The following MYO16 variants were observed in gnomAD, a reference collection of about 807,000 sequenced individuals.
The protein encoded by MYO16 is myosin XVI, also known as unconventional myosin-XVI.
MYO16 carries 94 observed loss-of-function variants against 205.3 expected under a neutral mutation model. The observed-to-expected ratio is 0.46, with a 90% CI of 0.39 to 0.54. The LOEUF is 0.54. MYO16 is among the 20% of genes least tolerant of loss of function. The pLI is 0.00. For synonymous variants in MYO16, 988 were observed against 954.0 expected (o/e 1.04, Z -0.66); for missense variants, 2,315 against 2,387.5 (o/e 0.97, Z 0.63).
intron 6 of MYO16, among the ~76,000 whole-genome samples, chr13:108,804,180 G>A (rs1409035340): frequency 6.6e-6 from 1 of 152,116 alleles, no homozygotes; most frequent in Non-Finnish European, 1.5e-5. Flanking sequence ...TGTCACAGAT[G>A]GTAAAGATTA....
intron 27 of MYO16, among the ~76,000 whole-genome samples, chr13:109,072,456 T>G (rs781051078): frequency 3.9e-5 from 6 of 152,174 alleles, no homozygotes; most frequent in African/African-American, 7.2e-5. Context: ...TACTTCCTCA[T>G]TAATTATCAT....
upstream of MYO16, among the ~76,000 whole-genome samples, chr13:108,591,872 A>G (rs1029214572): frequency 3.3e-5 from 5 of 152,114 alleles, no homozygotes; most frequent in African/African-American, 1.2e-4. Context: ...AAGAAAAGAA[A>G]GAGCTTACCC....
chr13:108,708,732 G>A (rs866891186), intron 2 of MYO16, among the ~76,000 whole-genome samples: 1 of 152,174 alleles, frequency 6.6e-6, no homozygotes, highest in East Asian at 1.9e-4. Context: ...AGATTGCTAT[G>A]CAGTCACATG....
intron 2 of MYO16, among the ~76,000 whole-genome samples, chr13:108,681,937 C>T (rs901141539): frequency 1.1e-4 from 16 of 152,134 alleles, no homozygotes; most frequent in Admixed American, 6.6e-5. Context: ...GCCCCAAGAC[C>T]GTTCCCAGGA....
At chr13:108,623,500 G>A (rs969583) in intron 1 of MYO16, among the ~76,000 whole-genome samples, 15,227 of 152,092 alleles carry the variant, frequency 0.1, 763 homozygotes, top group South Asian at 0.13. Flanking sequence ...GCCTTCATGG[G>A]GGATATTGAA....
At chr13:109,199,123 A>G (rs1246643884) in intron 34 of MYO16, among the ~76,000 whole-genome samples, 1 of 145,144 alleles carries the variant, frequency 6.9e-6, no homozygotes, top group East Asian at 2.0e-4. Context: ...AGGTTAATTA[A>G]CTTGTGAAGC....
intron 9 of MYO16, among the ~76,000 whole-genome samples, chr13:108,839,707 A>G (rs1352114152): frequency 6.6e-6 from 1 of 152,174 alleles, no homozygotes; most frequent in Non-Finnish European, 1.5e-5. Context: ...TTAAGATCCA[A>G]CTGTTTTGTG....
the MYO16 span, among the ~76,000 whole-genome samples, chr13:108,502,663 T>C: frequency 6.6e-6 from 1 of 152,214 alleles, no homozygotes; most frequent in Admixed American, 6.5e-5. Context: ...CGAACACATT[T>C]GAAATATTAA....
chr13:108,813,390 G>A (rs1887353753), intron 7 of MYO16, among the ~76,000 whole-genome samples: 1 of 152,134 alleles, frequency 6.6e-6, no homozygotes, highest in South Asian at 2.1e-4. Context: ...GGGTATGCAA[G>A]TACTGAGTTT....
At chr13:109,069,421 T>TA (rs1887856701) in intron 27 of MYO16, among the ~76,000 whole-genome samples, 2 of 152,188 alleles carry the variant, frequency 1.3e-5, no homozygotes, top group African/African-American at 4.8e-5. Flanking sequence ...AGCATTGTAG[T>TA]CTGAGCTGTC....
rs927193794 is a variant in MYO16, at chr13:109,100,887, G to A, written c.3438G>A (p.Gln1146=). ...AGCAGTGTAAATTACAAGGCTGGCA[G>A]GTTGGTGACCTACAAGCTATGAAAA... ...VLQQCKLQGW[Q]MGVRKVFLKY... The change falls in exon 28 of 35, where the codon CAG becomes CAA. Residue 1146 remains glutamine, a splice_region_variant and synonymous_variant. Coordinates refer to ENST00000457511, the MANE Select transcript of MYO16 (RefSeq NM_001198950.3). 3 of 1,611,220 alleles carry A rather than the reference G, an allele frequency of 1.9e-6. No homozygotes were observed. The highest frequency in any genetic ancestry group is 2.5e-6 in the Non-Finnish European group (3 of 1,177,600).
intron 7 of MYO16, among the ~76,000 whole-genome samples, chr13:108,816,035 G>A (rs572686166): frequency 1.1e-3 from 163 of 152,194 alleles, no homozygotes; most frequent in Non-Finnish European, 1.5e-3. Flanking sequence ...AAGTCTCAAG[G>A]CAATTCAATA....
chr13:108,614,726 T>C (rs1879290522), intron 1 of MYO16, among the ~76,000 whole-genome samples: 1 of 151,946 alleles, frequency 6.6e-6, no homozygotes, highest in East Asian at 1.9e-4. Context: ...ATGGGAAGAG[T>C]CTATTCAACA....
At chr13:109,045,680 G>A (rs988063156) in intron 23 of MYO16, among the ~76,000 whole-genome samples, 1 of 152,174 alleles carries the variant, frequency 6.6e-6, no homozygotes, top group African/African-American at 2.4e-5. Flanking sequence ...GAAAGGTGGA[G>A]ATAATCAGGC....
intron 7 of MYO16, among the ~76,000 whole-genome samples, chr13:108,816,381 T>G (rs1326375535): frequency 6.7e-6 from 1 of 150,106 alleles, no homozygotes; most frequent in Non-Finnish European, 1.5e-5. Context: ...GTTTACCGTT[T>G]AAGTTTACGC....
chr13:108,641,604 A>G (rs1027768060), intron 1 of MYO16, among the ~76,000 whole-genome samples: 2 of 152,190 alleles, frequency 1.3e-5, no homozygotes, highest in Non-Finnish European at 2.9e-5. Flanking sequence ...CAAAGGTTAA[A>G]TTATTTCCTA....
the MYO16 span, among the ~76,000 whole-genome samples, chr13:108,564,089 TC>T: frequency 6.6e-6 from 1 of 152,134 alleles, no homozygotes; most frequent in South Asian, 2.1e-4. Context: ...TCTCTAATGA[TC>T]AATAATGTTG....
Position 108,896,585 on chromosome 13 carries a change from G to A in MYO16, c.1660-1431G>A, listed in dbSNP as rs1050354048. Reference sequence around the variant, plus strand: ...TAGCATTTTTTAATTTGTGGTTAGCGTCAAACTATTTTATAATCTTTCACA... The same window carrying A: ...TAGCATTTTTTAATTTGTGGTTAGCATCAAACTATTTTATAATCTTTCACA... On this transcript the variant is annotated intron_variant, in intron 14 of 34. Transcript: ENST00000457511. Among the ~76,000 whole-genome samples, 8 of 152,198 alleles carry A rather than the reference G, an allele frequency of 5.3e-5. No individual in the cohort carries two copies. The East Asian group carries it at 5.8e-4, about 11-fold the overall frequency.
intron 14 of MYO16, among the ~76,000 whole-genome samples, chr13:108,897,776 G>A (rs1880500843): frequency 6.6e-6 from 1 of 152,108 alleles, no homozygotes. Flanking sequence ...GCAGGAGAGT[G>A]CAGTGTCGTC....
Sources: allele counts gnomAD v4.1 joint callset (sites outside exome capture counted in the v4.1 genomes callset), GRCh38; gene constraint gnomAD v4.1.1; transcripts MANE v1.5; gene names NCBI Gene and HGNC (gene_info 2026-07-23, HGNC 2026-07-21).